HPSE2: variants seen among roughly 807,000 people sequenced by gnomAD.
The protein encoded by HPSE2 is heparanase 2 (inactive), also known as inactive heparanase-2.
In HPSE2, 38 loss-of-function variants were observed where a neutral mutation model predicts 60.5. That is an observed-to-expected ratio of 0.63 (90% CI 0.48 to 0.82). The LOEUF is 0.82. HPSE2 is among the 40% of genes least tolerant of loss of function. HPSE2 has a pLI of 0.00. For missense variants in HPSE2, 713 were observed against 740.4 expected, an observed-to-expected ratio of 0.96 and a Z score of 0.43; for synonymous variants, 295 against 293.2, an observed-to-expected ratio of 1.01 and a Z score of -0.06.
chr10:98,572,940 G>C (rs1053070725), intron 9 of HPSE2, among the ~76,000 whole-genome samples: 1 of 152,206 alleles, frequency 6.6e-6, no homozygotes, highest in African/African-American at 2.4e-5. Flanking sequence ...TGGTGGATGA[G>C]ACAGGGATTA....
At chr10:99,201,810 C>G (rs1848583942) in intron 2 of HPSE2, among the ~76,000 whole-genome samples, 1 of 152,152 alleles carries the variant, frequency 6.6e-6, no homozygotes, top group Non-Finnish European at 1.5e-5. Context: ...TCCTTCATTT[C>G]CAAGAAAACC....
chr10:99,284,432 G>C, the HPSE2 span, among the ~76,000 whole-genome samples: 7 of 152,080 alleles, frequency 4.6e-5, no homozygotes, highest in East Asian at 1.4e-3. Flanking sequence ...CATACTCAAT[G>C]GCAAAAGAAT....
intron 3 of HPSE2, among the ~76,000 whole-genome samples, chr10:98,916,298 G>A (rs1564653775): frequency 6.6e-6 from 1 of 152,156 alleles, no homozygotes; most frequent in Non-Finnish European, 1.5e-5. Flanking sequence ...TCTGCACAGG[G>A]CATGAAATAC....
chr10:98,928,374 C>G (rs1293081151), intron 3 of HPSE2, among the ~76,000 whole-genome samples: 1 of 57,220 alleles, frequency 1.7e-5, no homozygotes, highest in Non-Finnish European at 4.3e-5. Flanking sequence ...AATAGGAACA[C>G]TTTCACACTG....
At chr10:98,580,104 G>A (rs917781839) in intron 9 of HPSE2, among the ~76,000 whole-genome samples, 33 of 152,236 alleles carry the variant, frequency 2.2e-4, no homozygotes, top group Middle Eastern at 3.4e-3. Context: ...GCAGTCTCCC[G>A]CGTTGATGAG....
chr10:98,607,053 TTCTCCCTCCCTCCCTCCCTCCCTC>T (rs1015058491), intron 9 of HPSE2, among the ~76,000 whole-genome samples: 4 of 147,374 alleles, frequency 2.7e-5, no homozygotes, highest in Middle Eastern at 3.5e-3. Flanking sequence ...TTCTTTTTCT[TTCTCCCTCCCTCCCTCCCTCCCTC>T]TCTCCCTCCC....
At chr10:98,573,993 A>T (rs1167655823) in intron 9 of HPSE2, among the ~76,000 whole-genome samples, 2 of 152,112 alleles carry the variant, frequency 1.3e-5, no homozygotes, top group East Asian at 3.8e-4. Context: ...CAATTTTAGA[A>T]TATTTTTTAC....
At chr10:98,989,132 C>T (rs1487264137) in intron 3 of HPSE2, among the ~76,000 whole-genome samples, 1 of 152,208 alleles carries the variant, frequency 6.6e-6, no homozygotes, top group Non-Finnish European at 1.5e-5. Flanking sequence ...TTGACCCAGC[C>T]ATCCCATTAC....
intron 9 of HPSE2, among the ~76,000 whole-genome samples, chr10:98,558,659 G>C (rs74156636): frequency 0.066 from 10,035 of 152,244 alleles, 1,090 homozygotes; most frequent in African/African-American, 0.23. Context: ...GTAATATTCC[G>C]ACACTTGATC....
intron 3 of HPSE2, among the ~76,000 whole-genome samples, chr10:99,015,169 C>T (rs551740124): frequency 2.6e-4 from 39 of 151,854 alleles, no homozygotes; most frequent in African/African-American, 9.2e-4. Flanking sequence ...CAGGAAACAA[C>T]AGGTGCTGGA....
intron 9 of HPSE2, among the ~76,000 whole-genome samples, chr10:98,607,838 AT>A (rs1945636728): frequency 6.6e-6 from 1 of 152,222 alleles, no homozygotes; most frequent in East Asian, 1.9e-4. Context: ...CATCAAATAT[AT>A]ATCAAATACA....
intron 3 of HPSE2, among the ~76,000 whole-genome samples, chr10:98,952,011 T>C (rs574622893): frequency 5.5e-4 from 84 of 152,310 alleles, no homozygotes; most frequent in Non-Finnish European, 9.1e-4. Context: ...CCCAGGTAGC[T>C]GATTCCAAAG....
At chr10:98,875,141 T>G (rs1320872880) in intron 3 of HPSE2, among the ~76,000 whole-genome samples, 1 of 151,954 alleles carries the variant, frequency 6.6e-6, no homozygotes, top group African/African-American at 2.4e-5. Flanking sequence ...AGCAAAGTGA[T>G]CCAAAAGCTG....
intron 3 of HPSE2, among the ~76,000 whole-genome samples, chr10:99,128,862 A>G (rs1845269375): frequency 6.6e-6 from 1 of 152,064 alleles, no homozygotes; most frequent in South Asian, 2.1e-4. Flanking sequence ...TCATTTTTTA[A>G]AAAAAAATCC....
intron 3 of HPSE2, among the ~76,000 whole-genome samples, chr10:99,047,448 C>T (rs1957881879): frequency 6.6e-6 from 1 of 152,090 alleles, no homozygotes; most frequent in African/African-American, 2.4e-5. Context: ...AAAGCAATTG[C>T]AACATAAACA....
chr10:99,270,131 T>A, the HPSE2 span, among the ~76,000 whole-genome samples: 2 of 151,738 alleles, frequency 1.3e-5, no homozygotes, highest in East Asian at 1.9e-4. Flanking sequence ...AATAACAAGA[T>A]CAGAGAACTA....
intron 3 of HPSE2, among the ~76,000 whole-genome samples, chr10:98,815,158 C>T (rs548265085): frequency 6.6e-6 from 1 of 152,216 alleles, no homozygotes; most frequent in African/African-American, 2.4e-5. Flanking sequence ...TAGCATGCAC[C>T]TGTGGTCCCA....
intron 9 of HPSE2, among the ~76,000 whole-genome samples, chr10:98,492,320 G>A (rs1198142888): frequency 6.6e-6 from 1 of 152,074 alleles, no homozygotes; most frequent in Non-Finnish European, 1.5e-5. Flanking sequence ...GGCTAACACG[G>A]TGAAACCCGG....
intron 10 of HPSE2, 114 bp downstream of exon 10, chr10:98,489,937 A>C (rs940001147): frequency 2.6e-5 from 31 of 1,206,828 alleles, no homozygotes; most frequent in Middle Eastern, 4.1e-4. Flanking sequence ...GTGATTCCAG[A>C]GGCAAAAAGT....
Sources: gnomAD v4.1 joint callset for allele counts (sites outside exome capture counted in the v4.1 genomes callset) on GRCh38, gnomAD v4.1.1 for gene constraint, MANE v1.5 for transcripts, NCBI Gene and HGNC (gene_info 2026-07-23, HGNC 2026-07-21) for gene names.